MSRA: variants seen among roughly 807,000 people sequenced by gnomAD.
MSRA encodes mitochondrial peptide methionine sulfoxide reductase.
In MSRA, 54 loss-of-function variants were observed where a neutral mutation model predicts 31.3. The observed-to-expected ratio is 1.73, with a 90% CI of 1.39 to 2.17. MSRA has a LOEUF of 2.17. Ranked by LOEUF, MSRA falls within the 30% of genes most tolerant of loss-of-function variation. The pLI, the probability that MSRA is intolerant of heterozygous loss-of-function variation, is 0.00. For synonymous variants in MSRA, 169 were observed against 116.5 expected (o/e 1.45, Z -2.90); for missense variants, 507 against 300.9 (o/e 1.69, Z -5.07).
intron 5 of MSRA, among the ~76,000 whole-genome samples, chr8:10,354,508 C>T (rs566952144): frequency 2.0e-5 from 3 of 152,254 alleles, no homozygotes; most frequent in Admixed American, 2.0e-4. Flanking sequence ...AGTACCTTTG[C>T]TAATCATATT....
chr8:10,090,651 C>G (rs572587939), intron 1 of MSRA, among the ~76,000 whole-genome samples: 37 of 152,158 alleles, frequency 2.4e-4, no homozygotes, highest in Non-Finnish European at 5.0e-4. Context: ...TTGGTTCACT[C>G]CAAAAGGAAA....
chr8:10,256,225 C>T (rs1200246357), intron 3 of MSRA, among the ~76,000 whole-genome samples: 2 of 152,166 alleles, frequency 1.3e-5, no homozygotes, highest in South Asian at 4.1e-4. Flanking sequence ...AATCACACAG[C>T]CTATGTCCTT....
At position 10,246,728 on chromosome 8, in the gene MSRA, T is replaced by A. The variant is rs185924881; in HGVS notation, c.331+1505T>A. Among the ~76,000 whole-genome samples, 345 of 152,348 alleles carry A rather than the reference T, an allele frequency of 2.3e-3. 3 individuals carry two copies. Among genetic ancestry groups the A allele is most frequent in the Non-Finnish European group, 3.4e-3 (234 of 68,036 alleles). The stretch of plus-strand genomic sequence containing the variant: ...AATGAAAATATTATAAAAATGTGCA[T>A]GTTCTTATTTTTTCTTGCTCTAGAG... On this transcript the variant is annotated intron_variant, in intron 3 of 5. Transcript: ENST00000317173.
chr8:10,283,129 T>TACACACACACACACACACACAC (rs66507479), intron 3 of MSRA, among the ~76,000 whole-genome samples: 2 of 138,488 alleles, frequency 1.4e-5, no homozygotes, highest in African/African-American at 5.5e-5. Flanking sequence ...ATATTCACAT[T>TACACACACACACACACACACAC]ACACACACAC....
intron 1 of MSRA, among the ~76,000 whole-genome samples, chr8:10,071,632 C>G (rs1223911251): frequency 6.6e-6 from 1 of 151,878 alleles, no homozygotes. Flanking sequence ...CCTTAAAGTT[C>G]TGTAGTTTTA....
At chr8:10,079,024 C>G (rs192058789) in intron 1 of MSRA, among the ~76,000 whole-genome samples, 21 of 152,330 alleles carry the variant, frequency 1.4e-4, no homozygotes, top group African/African-American at 5.1e-4. Flanking sequence ...CAGTATTCAC[C>G]GCTGTGTGCT....
intron 5 of MSRA, among the ~76,000 whole-genome samples, chr8:10,415,768 T>A (rs1319101207): frequency 6.6e-6 from 1 of 151,656 alleles, no homozygotes; most frequent in Admixed American, 6.6e-5. Context: ...ACCCCCAGCC[T>A]CCATGTGTTT....
intron 1 of MSRA, among the ~76,000 whole-genome samples, chr8:10,205,201 A>T (rs183232343): frequency 2.7e-4 from 41 of 152,228 alleles, no homozygotes; most frequent in Middle Eastern, 3.4e-3. Flanking sequence ...CTTGGGAAGA[A>T]TGAATTGGAC....
chr8:10,404,272 C>T (rs1017122587), intron 5 of MSRA, among the ~76,000 whole-genome samples: 16 of 152,124 alleles, frequency 1.1e-4, no homozygotes, highest in African/African-American at 3.9e-4. Context: ...CATCTGGGCT[C>T]CCACCTCCAG....
intron 5 of MSRA, among the ~76,000 whole-genome samples, chr8:10,330,145 A>G (rs1802609961): frequency 6.7e-6 from 1 of 149,342 alleles, no homozygotes; most frequent in South Asian, 2.2e-4. Context: ...CAATTTTTAA[A>G]TGATCTAAGT....
chr8:10,250,396 T>G (rs1797853624), intron 3 of MSRA: 1 of 702,190 alleles, frequency 1.4e-6, no homozygotes, highest in African/African-American at 1.7e-5. Context: ...ATTCACTGGG[T>G]AATATCTTTT....
At chr8:10,059,042 AAG>A (rs1311034886) in intron 1 of MSRA, 2 of 152,220 alleles carry the variant, frequency 1.3e-5, no homozygotes, top group Non-Finnish European at 2.9e-5. Context: ...AGAACTACAA[AAG>A]AGGAAAAAAG....
At chr8:10,133,341 G>T (rs367769443) in intron 1 of MSRA, among the ~76,000 whole-genome samples, 1 of 152,174 alleles carries the variant, frequency 6.6e-6, no homozygotes, top group Admixed American at 6.5e-5. Context: ...AGGACAGTCC[G>T]TGGGGTGCTC....
rs572966946 is a variant in MSRA at position 10,093,278 on chromosome 8, T to G, written c.142+38620T>G. Among the ~76,000 whole-genome samples the G allele has an allele frequency of 3.4e-3, 522 of 152,268 alleles. 1 individual carries two copies. Among genetic ancestry groups the G allele is most frequent in the Non-Finnish European group, 6.2e-3 (419 of 67,992 alleles). On this transcript the variant is annotated intron_variant, in intron 1 of 5. Transcript: ENST00000317173. ...TTTTGTTCTTCTGTTACTACCTTAT[T>G]TTATGTTAAATATTTTTTCAAGTAA...
At chr8:10,228,737 C>G (rs934918540) in intron 2 of MSRA, among the ~76,000 whole-genome samples, 7 of 152,234 alleles carry the variant, frequency 4.6e-5, no homozygotes, top group Non-Finnish European at 8.8e-5. Context: ...CCTAACCTCT[C>G]TGAATCTCTG....
rs537758630 is a variant in MSRA, at chr8:10,216,515, C to G, written c.211+8614C>G. Among the ~76,000 whole-genome samples, 29 of 152,320 alleles carry G rather than the reference C, an allele frequency of 1.9e-4. No homozygotes were observed. In the South Asian group the frequency reaches 4.8e-3, roughly 25 times the overall value. On this transcript the variant is annotated intron_variant, in intron 2 of 5. Transcript: ENST00000317173. Reference sequence around the variant, plus strand: ...ATTGTTTTGTACCCATCACCACCATCTAGCTCCAGAATTATTTTATCTTCT... The same window carrying G: ...ATTGTTTTGTACCCATCACCACCATGTAGCTCCAGAATTATTTTATCTTCT...
chr8:10,402,184 G>A (rs1379558139), intron 5 of MSRA, among the ~76,000 whole-genome samples: 3 of 152,144 alleles, frequency 2.0e-5, no homozygotes, highest in East Asian at 1.9e-4. Context: ...CTCCCTGTGC[G>A]ATGCCTGTCA....
At chr8:10,295,132 G>A (rs569876010) in intron 3 of MSRA, among the ~76,000 whole-genome samples, 183 of 152,146 alleles carry the variant, frequency 1.2e-3, no homozygotes, top group African/African-American at 4.2e-3. Context: ...TAATTTCCTG[G>A]CTCTTTGCCT....
chr8:10,101,977 G>A (rs1284700359), intron 1 of MSRA, among the ~76,000 whole-genome samples: 2 of 151,802 alleles, frequency 1.3e-5, no homozygotes, highest in African/African-American at 4.8e-5. Context: ...TTTTGCCTTT[G>A]TGTTTTCTGA....
Sources: allele counts gnomAD v4.1 joint callset (sites outside exome capture counted in the v4.1 genomes callset), GRCh38; gene constraint gnomAD v4.1.1; transcripts MANE v1.5; gene names NCBI Gene and HGNC (gene_info 2026-07-23, HGNC 2026-07-21).